BRCA1: variants seen among roughly 807,000 people sequenced by gnomAD.
BRCA1 encodes breast cancer type 1 susceptibility protein.
BRCA1 carries 140 observed loss-of-function variants against 173.7 expected under a neutral mutation model. The ratio of observed to expected loss-of-function variants is 0.81; its 90% CI spans 0.70 to 0.93. The LOEUF (loss-of-function observed/expected upper bound fraction) is 0.93, where lower values mean the gene tolerates loss of function less well. Ranked by LOEUF, BRCA1 falls within the 40% of genes least tolerant of loss-of-function variation. The pLI is 0.00. For missense variants in BRCA1, 1,983 were observed against 2,172.5 expected, an observed-to-expected ratio of 0.91 and a Z score of 1.73; for synonymous variants, 662 against 756.0, an observed-to-expected ratio of 0.88 and a Z score of 2.04.
At chr17:43,112,995 G>C (rs2055110776) in intron 3 of BRCA1, among the ~76,000 whole-genome samples, 1 of 152,092 alleles carries the variant, frequency 6.6e-6, no homozygotes, top group Admixed American at 6.5e-5. Flanking sequence ...TAGAGATGGG[G>C]TTTCTCTATG....
intron 1 of BRCA1, among the ~76,000 whole-genome samples, chr17:43,168,856 C>T (rs1488109065): frequency 6.6e-6 from 1 of 152,078 alleles, no homozygotes. Context: ...GAGCTTTCTC[C>T]AATGCTTCTG....
At chr17:43,048,313 C>T (rs2051026841) in intron 21 of BRCA1, among the ~76,000 whole-genome samples, 1 of 151,670 alleles carries the variant, frequency 6.6e-6, no homozygotes, top group Non-Finnish European at 1.5e-5. Context: ...AGCGATTCTC[C>T]TGCCCCAGCC....
At chr17:43,170,098 T>A in intron 1 of BRCA1, 1 of 328,626 alleles carries the variant, frequency 3.0e-6, no homozygotes. Context: ...AGTGTGGGGC[T>A]GGGGCTGCCG....
rs397507204 is a variant in BRCA1 at position 43,092,796 on chromosome 17, T to C, written c.2735A>G (p.Lys912Arg). The C allele has an allele frequency of 6.8e-6, 11 of 1,614,012 alleles. No individual in the cohort carries two copies. The Admixed American group carries it at 1.8e-4, about 27-fold the overall frequency. Residue 912 changes from lysine (K) to arginine (R), a missense_variant, in exon 10 of 23, where the codon AAG becomes AGG. Physicochemically the swap from Lys to Arg is conservative, Grantham distance 26. Coordinates refer to ENST00000357654, the MANE Select transcript of BRCA1 (RefSeq NM_007294.4). ...ECEQKEENQG[K>R]NESNIKPVQT... ...TACAGGCTTGATATTAGACTCATTC[T>C]TTCCTTGATTTTCTTCCTTTTGTTC...
chr17:43,144,841 C>T (rs1597938092), intron 1 of BRCA1: 5 of 476,856 alleles, frequency 1.0e-5, no homozygotes, highest in East Asian at 5.6e-5. Flanking sequence ...GCCAACATAG[C>T]GAGAGCAGCT....
rs1567824531 is a variant in BRCA1 at position 43,125,342 on chromosome 17, TC to T, written c.-92del. 2.3e-6 allele frequency: 1 copy of T among 442,516 alleles called. No individual in the cohort carries two copies. The highest frequency in any genetic ancestry group is 2.4e-5 in the Admixed American group (1 of 41,728). The allele number at this position is 442,516 out of a possible 1,614,324, so 27.4% of individuals were successfully genotyped here. ...GTTATCTGAGAAACCCCACAGCCTG[TC>T]CCCCGTCCAGGAAGTCTCAGCGAGC... is the stretch of plus-strand genomic sequence containing the variant. On this transcript the variant is annotated 5_prime_UTR_variant, in exon 1 of 23. Transcript: ENST00000357654.
intron 19 of BRCA1, 103 bp from the exon 20 acceptor site, chr17:43,051,220 G>A (rs2051223171): frequency 8.9e-7 from 1 of 1,119,088 alleles, no homozygotes; most frequent in Admixed American, 1.9e-5. Context: ...TTTCAAAAAG[G>A]AAGAGCTTTT....
intron 18 of BRCA1, among the ~76,000 whole-genome samples, chr17:43,058,119 G>A (rs1597812648): frequency 6.6e-6 from 1 of 150,762 alleles, no homozygotes; most frequent in African/African-American, 2.4e-5. Context: ...CTAGCACTTT[G>A]GCACTTTGGG....
chr17:43,143,879 C>T (rs1255314935), intron 1 of BRCA1, among the ~76,000 whole-genome samples: 1 of 152,018 alleles, frequency 6.6e-6, no homozygotes. Context: ...CCCTCCAGCA[C>T]CTCCCTGCTA....
chr17:43,117,468 AC>A (rs2055347916), intron 2 of BRCA1, among the ~76,000 whole-genome samples: 1 of 151,978 alleles, frequency 6.6e-6, no homozygotes, highest in African/African-American at 2.4e-5. Context: ...AAGGCCAGAC[AC>A]GGGGGCTCAT....
At chr17:43,087,810 C>T (rs1478711555) in intron 11 of BRCA1, among the ~76,000 whole-genome samples, 4 of 152,128 alleles carry the variant, frequency 2.6e-5, no homozygotes, top group Non-Finnish European at 4.4e-5. Context: ...TCATGGCTCA[C>T]CACGGCCTCA....
chr17:43,092,226 T>C lies in BRCA1; in HGVS notation c.3305A>G (p.Asn1102Ser), dbSNP rs80356900. ...CTTTTTTATTTCAGGATGCTTACAA[T>C]TACTTCCAGGAAGACTTTGTTTATA... is the stretch of plus-strand genomic sequence containing the variant. ...EVYKQSLPGS[N>S]CKHPEIKKQE... The change falls in exon 10 of 23, where the codon AAT (asparagine) becomes AGT (serine). Residue 1102 changes from asparagine to serine, a missense_variant. By Grantham distance (46) the Asn-to-Ser change is conservative. Transcript: ENST00000357654. The C allele has an allele frequency of 5.6e-6, 9 of 1,613,422 alleles. No individual in the cohort carries two copies. The highest frequency in any genetic ancestry group is 2.5e-6 in the Non-Finnish European group (3 of 1,179,958).
At position 43,092,758 on chromosome 17, in the gene BRCA1, T is replaced by C. The variant is rs4986847; in HGVS notation, c.2773A>G (p.Ile925Val). Residue 925 changes from isoleucine to valine, a missense_variant, in exon 10 of 23, where the codon ATC (isoleucine) becomes GTC (valine). Coordinates refer to ENST00000357654, the MANE Select transcript of BRCA1 (RefSeq NM_007294.4). ...SNIKPVQTVN[I>V]TAGFPVVGQK... ...CCAACCACAGGAAAGCCTGCAGTGA[T>C]ATTAACTGTCTGTACAGGCTTGATA... 36 of 1,613,994 alleles carry C rather than the reference T, an allele frequency of 2.2e-5. No homozygotes were observed. The highest frequency in any genetic ancestry group is 3.0e-5 in the Non-Finnish European group (35 of 1,180,008).
At chr17:43,145,653 T>C (rs374931615) in intron 1 of BRCA1, among the ~76,000 whole-genome samples, 54 of 152,286 alleles carry the variant, frequency 3.5e-4, no homozygotes, top group African/African-American at 1.2e-3. Flanking sequence ...ATCAACTATT[T>C]TGTAAATGCA....
At chr17:43,072,320 C>T (rs1357149035) in intron 14 of BRCA1, among the ~76,000 whole-genome samples, 3 of 151,522 alleles carry the variant, frequency 2.0e-5, no homozygotes, top group Non-Finnish European at 2.9e-5. Flanking sequence ...ACCCAGGAGG[C>T]GGAGGTTGCG....
Position 43,091,464 on chromosome 17 carries a change from T to G in BRCA1, c.4067A>C (p.Gln1356Pro). Reference protein sequence around the residue: ...ERGTGLEENNQEEQSMDSNLG... With the variant: ...ERGTGLEENNPEEQSMDSNLG... ...GTTTGAATCCATGCTTTGCTCTTCT[T>G]GATTATTTTCTTCCAAGCCCGTTCC... The change falls in exon 10 of 23, where the codon CAA becomes CCA. Residue 1356 changes from glutamine (Q) to proline (P), a missense_variant. By Grantham distance (76) the Gln-to-Pro change is moderately conservative. Transcript: ENST00000357654. 1 of 1,613,600 alleles carries G rather than the reference T, an allele frequency of 6.2e-7. No homozygotes were observed. Among genetic ancestry groups the G allele is most frequent in the Non-Finnish European group, 8.5e-7 (1 of 1,179,788 alleles).
intron 20 of BRCA1, 42 bp from the exon 21 acceptor site, chr17:43,049,236 C>A (rs1387393156): frequency 1.9e-6 from 3 of 1,576,206 alleles, no homozygotes; most frequent in Non-Finnish European, 2.6e-6. Context: ...CAGTAATCTG[C>A]ATACTTAACC....
rs8176215 is a variant in BRCA1, at chr17:43,073,766, A to T, written c.4675+565T>A. On this transcript the variant is annotated intron_variant, in intron 14 of 22. Coordinates refer to ENST00000357654, the MANE Select transcript of BRCA1 (RefSeq NM_007294.4). ...TATGTGTGTATATATATATATATAT[A>T]TTTTTTGAGATGGAGTCTTGCTCTG... 0.38 allele frequency among the ~76,000 whole-genome samples: 57,623 copies of T among 151,018 alleles called. 11,702 individuals carry two copies. The highest frequency in any genetic ancestry group is 0.52 in the South Asian group (2,467 of 4,784).
At chr17:43,120,814 G>A (rs1180166537) in intron 2 of BRCA1, among the ~76,000 whole-genome samples, 3 of 151,012 alleles carry the variant, frequency 2.0e-5, no homozygotes, top group Non-Finnish European at 4.4e-5. Flanking sequence ...AGTGGCTCAC[G>A]CCAGCACTTT....
Sources: allele counts gnomAD v4.1 joint callset (sites outside exome capture counted in the v4.1 genomes callset), GRCh38; gene constraint gnomAD v4.1.1; transcripts MANE v1.5; gene names NCBI Gene and HGNC (gene_info 2026-07-23, HGNC 2026-07-21).